The following SBNO2 variants were observed in gnomAD, a reference collection of about 807,000 sequenced individuals.
SBNO2 encodes the protein strawberry notch homolog 2, also known as protein strawberry notch homolog 2.
Under a neutral mutation model 146.3 loss-of-function variants are expected in SBNO2, and 89 were observed. The observed-to-expected ratio is 0.61, with a 90% CI of 0.51 to 0.73. The LOEUF (loss-of-function observed/expected upper bound fraction) is 0.73. SBNO2 is among the 30% of genes least tolerant of loss of function. The pLI, the probability that SBNO2 is intolerant of heterozygous loss-of-function variation, is 0.00. For missense variants in SBNO2, 2,092 were observed against 2,003.7 expected (o/e 1.04, Z -0.84); for synonymous variants, 1,147 against 892.6 (o/e 1.29, Z -5.08).
rs1330432625 is a variant in SBNO2 at position 1,112,177 on chromosome 19, C to A, written c.2628+12G>T. ...CTGTCCCTGGTTCTCAGCCCCACCC[C>A]CACCTGCTCACCAGACTCTCCAGGC... is the stretch of plus-strand genomic sequence containing the variant. On this transcript the variant is annotated intron_variant, in intron 22 of 31. Transcript: ENST00000361757. This position sits in a 1 kb window ranked among gnomAD's most constrained non-coding sequence, Gnocchi z 5.9. 1.9e-6 allele frequency: 3 copies of A among 1,583,470 alleles called. No individual in the cohort carries two copies. Among genetic ancestry groups the A allele is most frequent in the African/African-American group, 1.3e-5 (1 of 74,432 alleles).
At chr19:1,153,162 CAA>C (rs2080257984) in intron 2 of SBNO2, among the ~76,000 whole-genome samples, 1 of 149,966 alleles carries the variant, frequency 6.7e-6, no homozygotes, top group Non-Finnish European at 1.5e-5. Flanking sequence ...TTAAAAATAA[CAA>C]AACAAAATAA....
chr19:1,154,781 G>A (rs2080274152), intron 1 of SBNO2, among the ~76,000 whole-genome samples: 1 of 152,186 alleles, frequency 6.6e-6, no homozygotes, highest in African/African-American at 2.4e-5. Flanking sequence ...ACTGTGGAGG[G>A]AGAGTCCAAC....
intron 2 of SBNO2, among the ~76,000 whole-genome samples, chr19:1,152,738 T>C (rs542040815): frequency 6.6e-6 from 1 of 152,258 alleles, no homozygotes; most frequent in East Asian, 1.9e-4. Context: ...GAGGGGTGTC[T>C]GTGATGTTCG....
Position 1,157,817 on chromosome 19 carries a change from C to T in SBNO2, c.-126-3415G>A, listed in dbSNP as rs890050639. Among the ~76,000 whole-genome samples, 2 of 150,672 alleles carry T rather than the reference C, an allele frequency of 1.3e-5. No individual in the cohort carries two copies. The highest frequency in any genetic ancestry group is 6.6e-5 in the Admixed American group (1 of 15,220). On this transcript the variant is annotated intron_variant, in intron 1 of 31. Transcript: ENST00000361757. This position sits in a 1 kb window ranked among gnomAD's most constrained non-coding sequence, Gnocchi z 6.8. ...ACTGTGTCCGCCTCCCAGCTCTCTC[C>T]TGAGTCCGGGTAACTGCGTCCGCCT... is the stretch of plus-strand genomic sequence containing the variant.
chr19:1,149,308 G>T, intron 3 of SBNO2, 61 bp downstream of exon 3: 2 of 1,465,568 alleles, frequency 1.4e-6, no homozygotes, highest in Non-Finnish European at 1.9e-6. Flanking sequence ...AACTCCGTTT[G>T]TAACTGTGAC....
rs2080505608 is a variant in SBNO2, at chr19:1,173,918, G to A, written c.-127+254C>T. ...AAGGTTCACGGCAGGGGGTCGCCGG[G>A]GGGCGGGGGGGCAGGTCAAGGTTCA... is the stretch of plus-strand genomic sequence containing the variant. On this transcript the variant is annotated intron_variant, in intron 1 of 31. Transcript: ENST00000361757. The surrounding 1 kb of genome is among the most constrained non-coding windows in gnomAD (Gnocchi z 4.7). 1 of 151,362 alleles carries A rather than the reference G, an allele frequency of 6.6e-6. No homozygotes were observed. The highest frequency in any genetic ancestry group is 1.5e-5 in the Non-Finnish European group (1 of 67,730). The allele number at this position is 151,362 out of a possible 1,614,324, so 9.4% of individuals were successfully genotyped here.
intron 4 of SBNO2, 113 bp downstream of exon 4, chr19:1,147,196 C>T (rs929051131): frequency 5.5e-5 from 38 of 694,598 alleles, no homozygotes; most frequent in African/African-American, 1.1e-4. Context: ...GGGGCCAAGC[C>T]GAGGTCACTG....
rs1180636777 is a variant in SBNO2, at chr19:1,140,502, G to A, written c.279+6807C>T. Among the ~76,000 whole-genome samples the A allele has an allele frequency of 6.6e-6, 1 of 152,162 alleles. No individual in the cohort carries two copies. The highest frequency in any genetic ancestry group is 1.5e-5 in the Non-Finnish European group (1 of 68,014). On this transcript the variant is annotated intron_variant, in intron 4 of 31. Coordinates refer to ENST00000361757, the MANE Select transcript of SBNO2 (RefSeq NM_014963.3). This position sits in a 1 kb window ranked among gnomAD's most constrained non-coding sequence, Gnocchi z 4.4. ...GGGGGCCCTTCCTCCGGGCCAGGGT[G>A]GCTGGAGGGCCGGGCAAGGCACACA...
At position 1,119,604 on chromosome 19, in the gene SBNO2, TC is replaced by T; in HGVS notation, c.1284del (p.Asn429ThrfsTer2). On this transcript the variant is annotated frameshift_variant, in exon 13 of 32. Transcript: ENST00000361757. LOFTEE classifies it high-confidence loss of function. ...CCCAAGCGGCTCATGTAGATCATGT[TC>T]CGAGGCTCAGAGGCACCTGTGGGGG... is the stretch of plus-strand genomic sequence containing the variant. ...YASATGASEPRNMIYMSRLGI... is the reference protein window; with the variant it reads ...YASATGASEPXNMIYMSRLGI... 6.2e-7 allele frequency: 1 copy of T among 1,609,416 alleles called. No individual in the cohort carries two copies. Among genetic ancestry groups the T allele is most frequent in the Non-Finnish European group, 8.5e-7 (1 of 1,178,166 alleles).
intron 4 of SBNO2, among the ~76,000 whole-genome samples, chr19:1,133,455 C>A (rs894595811): frequency 6.6e-6 from 1 of 151,584 alleles, no homozygotes; most frequent in African/African-American, 2.4e-5. Context: ...TCCGCCCCCT[C>A]GGGCTCACCC....
At chr19:1,124,959 T>C (rs2079948565) in intron 5 of SBNO2, among the ~76,000 whole-genome samples, 1 of 151,928 alleles carries the variant, frequency 6.6e-6, no homozygotes, top group Non-Finnish European at 1.5e-5. Context: ...CCGGGACGGA[T>C]GGCTGGGGGA....
chr19:1,143,107 C>T (rs1384503122), intron 4 of SBNO2, among the ~76,000 whole-genome samples: 7 of 152,208 alleles, frequency 4.6e-5, no homozygotes, highest in African/African-American at 1.7e-4. Context: ...GGAATGCACA[C>T]ATGCCACAGG....
intron 4 of SBNO2, among the ~76,000 whole-genome samples, chr19:1,143,055 C>A (rs2080155605): frequency 6.6e-6 from 1 of 152,186 alleles, no homozygotes. Flanking sequence ...GTTCTCCCTA[C>A]CAATCCCTCC....
rs1302195242 is a variant in SBNO2 at position 1,109,025 on chromosome 19, C to A, written c.3426-56G>T. On this transcript the variant is annotated intron_variant, in intron 30 of 31. Transcript: ENST00000361757. This position sits in a 1 kb window ranked among gnomAD's most constrained non-coding sequence, Gnocchi z 4.2. ...GCGGGTCCCAGGGGCCCGCAGGCTC[C>A]CCAGGTGCCCTGAGATCTCCCGCCT... 2.0e-6 allele frequency: 3 copies of A among 1,493,376 alleles called. No individual in the cohort carries two copies. The highest frequency in any genetic ancestry group is 2.7e-6 in the Non-Finnish European group (3 of 1,123,662). 92.5% of individuals were successfully genotyped at this position (1,493,376 alleles called of 1,614,324 possible).
At chr19:1,114,826 G>C (rs1049061930) in intron 17 of SBNO2, among the ~76,000 whole-genome samples, 12 of 150,682 alleles carry the variant, frequency 8.0e-5, no homozygotes, top group African/African-American at 2.9e-4. Context: ...GTAGAGATGG[G>C]GTTTCACCAT....
rs1402407890 is a variant in SBNO2, at chr19:1,144,989, CAGAG to C, written c.279+2316_279+2319del. Among the ~76,000 whole-genome samples, 9 of 138,078 alleles carry C rather than the reference CAGAG, an allele frequency of 6.5e-5. No individual in the cohort carries two copies. Among genetic ancestry groups the C allele is most frequent in the Middle Eastern group, 6.1e-3 (1 of 164 alleles). The allele number at this position is 138,078 out of a possible 152,430, so 90.6% of individuals were successfully genotyped here. ...ACAGAGACAGAGACTGAGAGGGAGA[CAGAG>C]AGATGGAGCATAGAGGGAGACAGAG... is the stretch of plus-strand genomic sequence containing the variant. On this transcript the variant is annotated intron_variant, in intron 4 of 31. Transcript: ENST00000361757. The surrounding 1 kb of genome is among the most constrained non-coding windows in gnomAD (Gnocchi z 4.1).
intron 4 of SBNO2, among the ~76,000 whole-genome samples, chr19:1,128,541 T>TGTGC (rs1312634441): frequency 6.6e-6 from 1 of 151,730 alleles, no homozygotes; most frequent in African/African-American, 2.4e-5. Flanking sequence ...TACAGGCACG[T>TGTGC]GCCACCACGC....
rs188020834 is a variant in SBNO2 at position 1,135,455 on chromosome 19, C to T, written c.280-7690G>A. Among the ~76,000 whole-genome samples, 449 of 152,348 alleles carry T rather than the reference C, an allele frequency of 2.9e-3. 2 individuals are homozygous for T. Among genetic ancestry groups the T allele is most frequent in the Non-Finnish European group, 3.8e-3 (260 of 68,028 alleles). On this transcript the variant is annotated intron_variant, in intron 4 of 31. Coordinates refer to ENST00000361757, the MANE Select transcript of SBNO2 (RefSeq NM_014963.3). Reference sequence around the variant, plus strand: ...AAACAGAAAGAACAAGCACAGACTCCGACTTGCTCCCCAGGCCCCAATGTG... The same window carrying T: ...AAACAGAAAGAACAAGCACAGACTCTGACTTGCTCCCCAGGCCCCAATGTG...
chr19:1,108,815 C>A lies in SBNO2; in HGVS notation c.3580G>T (p.Val1194Leu), dbSNP rs1404644238. 1.9e-6 allele frequency: 3 copies of A among 1,602,920 alleles called. No individual in the cohort carries two copies. Among genetic ancestry groups the A allele is most frequent in the Non-Finnish European group, 2.5e-6 (3 of 1,179,004 alleles). Residue 1194 changes from valine to leucine, a missense_variant, in exon 31 of 32, where the codon GTG (valine) becomes TTG (leucine). Transcript: ENST00000361757. ...TTCCTGTCCTTGGTCTTCAGCCGCA[C>A]GATCTGCAGGTAGCTGCTGCTGCTG... ...DVSSSSYLQI[V>L]RLKTKDRKKQ...
Sources: allele counts gnomAD v4.1 joint callset (sites outside exome capture counted in the v4.1 genomes callset), GRCh38; gene constraint gnomAD v4.1.1; non-coding constraint Gnocchi (gnomAD v3.1); transcripts MANE v1.5; gene names NCBI Gene and HGNC (gene_info 2026-07-23, HGNC 2026-07-21).